The following FCHO2 variants were observed in gnomAD, a reference collection of about 807,000 sequenced individuals.
FCHO2 encodes FCH and mu domain containing endocytic adaptor 2.
A neutral mutation model predicts 114.1 loss-of-function variants in FCHO2; 43 were observed. The observed-to-expected ratio is 0.38, with a 90% CI of 0.30 to 0.49. The LOEUF (loss-of-function observed/expected upper bound fraction) is 0.49, where lower values mean the gene tolerates loss of function less well. FCHO2 is among the 20% of genes least tolerant of loss of function. The pLI is 0.97. For synonymous variants in FCHO2, 293 were observed against 315.2 expected (o/e 0.93, Z 0.75); for missense variants, 807 against 950.4 (o/e 0.85, Z 1.98).
At chr5:73,047,825 A>G (rs896651638) in intron 11 of FCHO2, among the ~76,000 whole-genome samples, 1 of 151,944 alleles carries the variant, frequency 6.6e-6, no homozygotes, top group South Asian at 2.1e-4. Context: ...TGTTTTGTGT[A>G]TTTTTATTTT....
At position 73,089,298 on chromosome 5, in the gene FCHO2, G is replaced by C. The variant is rs550021017; in HGVS notation, c.*1208G>C. On this transcript the variant is annotated 3_prime_UTR_variant, in exon 26 of 26. Transcript: ENST00000430046. ...ATTTATGCATTTATTTACTGATTGTGTTGTGAACATGAGTTTTATGGTATT... is the reference window on the plus strand; with the variant it reads ...ATTTATGCATTTATTTACTGATTGTCTTGTGAACATGAGTTTTATGGTATT... The C allele has an allele frequency of 6.6e-6, 1 of 152,454 alleles. No individual in the cohort carries two copies. Among genetic ancestry groups the C allele is most frequent in the African/African-American group, 2.4e-5 (1 of 41,536 alleles). 9.4% of individuals were successfully genotyped at this position (152,454 alleles called of 1,614,324 possible). A position where few individuals can be genotyped will look rare whatever the true frequency, so the allele number is the denominator to read the frequency against.
At chr5:73,002,888 G>T (rs1311553017) in intron 5 of FCHO2, among the ~76,000 whole-genome samples, 1 of 152,104 alleles carries the variant, frequency 6.6e-6, no homozygotes, top group Non-Finnish European at 1.5e-5. Context: ...ATCTTATTTT[G>T]TACACAGTCT....
intron 19 of FCHO2, among the ~76,000 whole-genome samples, chr5:73,074,262 A>G (rs1233371802): frequency 6.6e-6 from 1 of 152,058 alleles, no homozygotes; most frequent in Non-Finnish European, 1.5e-5. Context: ...AATACAATAC[A>G]AGCATCAGAC....
intron 10 of FCHO2, 96 bp from the exon 11 acceptor site, chr5:73,041,195 A>G: frequency 1.4e-6 from 1 of 735,804 alleles, no homozygotes; most frequent in Non-Finnish European, 2.3e-6. Flanking sequence ...GAGTTTAAAT[A>G]AAAGCTATAT....
chr5:73,030,233 G>T (rs1299551530), intron 8 of FCHO2, among the ~76,000 whole-genome samples: 1 of 151,808 alleles, frequency 6.6e-6, no homozygotes, highest in Non-Finnish European at 1.5e-5. Context: ...GTAGAGATGG[G>T]TTTTCACCAT....
intron 2 of FCHO2, among the ~76,000 whole-genome samples, chr5:72,986,126 T>C (rs1345639004): frequency 6.6e-6 from 1 of 152,136 alleles, no homozygotes; most frequent in African/African-American, 2.4e-5. Context: ...TCCTTTTTTT[T>C]CTCCATCTCC....
chr5:72,983,926 G>A (rs1753369965), intron 2 of FCHO2, among the ~76,000 whole-genome samples: 1 of 151,862 alleles, frequency 6.6e-6, no homozygotes. Context: ...AGGCCATAAG[G>A]TATACGTGTG....
chr5:73,027,218 T>G (rs1249246488), intron 8 of FCHO2, among the ~76,000 whole-genome samples: 1 of 151,948 alleles, frequency 6.6e-6, no homozygotes, highest in African/African-American at 2.4e-5. Flanking sequence ...ATTCAGTTGC[T>G]AAAAGAGAGT....
intron 2 of FCHO2, among the ~76,000 whole-genome samples, chr5:72,979,850 T>C (rs1459272275): frequency 6.6e-6 from 1 of 152,176 alleles, no homozygotes; most frequent in Non-Finnish European, 1.5e-5. Flanking sequence ...TGTTTGTTAT[T>C]CTGGCTAGCG....
chr5:72,990,378 T>G, intron 3 of FCHO2, 100 bp from the exon 4 acceptor site: 1 of 820,626 alleles, frequency 1.2e-6, no homozygotes, highest in East Asian at 3.2e-5. Context: ...CTAAATAAAG[T>G]TGCCATATAT....
chr5:73,069,513 A>G (rs1016984546), intron 19 of FCHO2, among the ~76,000 whole-genome samples: 1 of 152,170 alleles, frequency 6.6e-6, no homozygotes, highest in African/African-American at 2.4e-5. Context: ...TGCGCAACCT[A>G]GATCCCTCAC....
At chr5:73,018,634 G>A (rs971110822) in intron 8 of FCHO2, among the ~76,000 whole-genome samples, 2 of 151,846 alleles carry the variant, frequency 1.3e-5, no homozygotes, top group African/African-American at 4.8e-5. Context: ...AGAGGGGAAA[G>A]CTATAACCTT....
intron 5 of FCHO2, among the ~76,000 whole-genome samples, chr5:73,000,136 C>T (rs1430450163): frequency 1.3e-5 from 2 of 152,128 alleles, no homozygotes; most frequent in African/African-American, 4.8e-5. Flanking sequence ...TCCAGAGTAG[C>T]TGGGACTACA....
chr5:73,049,702 A>G (rs1757252068), intron 11 of FCHO2, among the ~76,000 whole-genome samples: 1 of 151,954 alleles, frequency 6.6e-6, no homozygotes, highest in African/African-American at 2.4e-5. Context: ...TGACCAGAAA[A>G]CCCCTTCTTG....
chr5:72,998,181 A>G (rs996451966), intron 5 of FCHO2, among the ~76,000 whole-genome samples: 1 of 152,168 alleles, frequency 6.6e-6, no homozygotes, highest in African/African-American at 2.4e-5. Flanking sequence ...TTTATTCAAA[A>G]TAAAATAATT....
In FCHO2 at chr5:73,082,110, G is replaced by A. The variant is rs912535264; in HGVS notation, c.2180+128G>A. On this transcript the variant is annotated intron_variant, in intron 23 of 25. Coordinates refer to ENST00000430046, the MANE Select transcript of FCHO2 (RefSeq NM_138782.3). ...TTGTGCCTTTTTCCATAGAAACCAC[G>A]CTGTAAAAGATGCAGTTCATTTTAC... 1.3e-5 allele frequency: 9 copies of A among 711,358 alleles called. 1 individual carries two copies. In the Middle Eastern group the frequency reaches 1.4e-3, roughly 114 times the overall value. 44.1% of individuals were successfully genotyped at this position (711,358 alleles called of 1,614,324 possible). A position where few individuals can be genotyped will look rare whatever the true frequency, so the allele number is the denominator to read the frequency against.
chr5:72,992,130 A>C (rs1200509744), intron 5 of FCHO2, among the ~76,000 whole-genome samples: 1 of 152,204 alleles, frequency 6.6e-6, no homozygotes, highest in African/African-American at 2.4e-5. Flanking sequence ...ACTAGAAGAG[A>C]ATGTGGAAAA....
At chr5:72,963,802 C>T (rs1185246955) in intron 1 of FCHO2, among the ~76,000 whole-genome samples, 1 of 151,872 alleles carries the variant, frequency 6.6e-6, no homozygotes, top group Non-Finnish European at 1.5e-5. Flanking sequence ...CCTCCTGCCT[C>T]AGCCTCCCAA....
chr5:73,059,400 A>G (rs1398521298), intron 17 of FCHO2, among the ~76,000 whole-genome samples: 2 of 152,136 alleles, frequency 1.3e-5, no homozygotes, highest in Non-Finnish European at 2.9e-5. Flanking sequence ...AGTAAAGCTC[A>G]GAGATAATAA....
Sources: gnomAD v4.1 joint callset for allele counts (sites outside exome capture counted in the v4.1 genomes callset) on GRCh38, gnomAD v4.1.1 for gene constraint, MANE v1.5 for transcripts, NCBI Gene and HGNC (gene_info 2026-07-23, HGNC 2026-07-21) for gene names.